The following DNAH6 variants were observed in gnomAD, a reference collection of about 807,000 sequenced individuals.
DNAH6 encodes the protein axonemal beta dynein heavy chain 6.
In DNAH6, 340 loss-of-function variants were observed where a neutral mutation model predicts 491.4. That is an observed-to-expected ratio of 0.69 (90% CI 0.63 to 0.76). The LOEUF is 0.76. Among genes scored for constraint, DNAH6 ranks in the 30% least tolerant of loss-of-function variants. The pLI, the probability that DNAH6 is intolerant of heterozygous loss-of-function variation, is 0.00. For synonymous variants in DNAH6, 1,603 were observed against 1,686.1 expected, an observed-to-expected ratio of 0.95 and a Z score of 1.21; for missense variants, 4,443 against 4,972.2, an observed-to-expected ratio of 0.89 and a Z score of 3.20.
chr2:84,571,629 ACCAT>A (rs1681882251), intron 11 of DNAH6, among the ~76,000 whole-genome samples: 1 of 152,070 alleles, frequency 6.6e-6, no homozygotes, highest in African/African-American at 2.4e-5. Flanking sequence ...ATTAAAGAAA[ACCAT>A]CCAGGCGCAG....
intron 1 of DNAH6, among the ~76,000 whole-genome samples, chr2:84,517,568 T>TG: frequency 6.6e-6 from 1 of 152,320 alleles, no homozygotes; most frequent in South Asian, 2.1e-4. Context: ...GCCAAGAACT[T>TG]GCAAGAAATG....
chr2:84,547,713 G>A, intron 7 of DNAH6, 101 bp downstream of exon 7: 4 of 1,221,344 alleles, frequency 3.3e-6, no homozygotes, highest in Non-Finnish European at 4.5e-6. Flanking sequence ...ATGATTCTAT[G>A]TTTGAATTGT....
chr2:84,758,940 G>C (rs981152948), intron 63 of DNAH6, among the ~76,000 whole-genome samples: 1 of 152,074 alleles, frequency 6.6e-6, no homozygotes, highest in Non-Finnish European at 1.5e-5. Flanking sequence ...GTCCTAGCCA[G>C]AGCAATCAAG....
At chr2:84,704,807 C>G (rs1696274374) in intron 51 of DNAH6, among the ~76,000 whole-genome samples, 1 of 152,178 alleles carries the variant, frequency 6.6e-6, no homozygotes, top group Non-Finnish European at 1.5e-5. Context: ...TTCAAACTTT[C>G]TTTAGTGATA....
chr2:84,686,434 C>A (rs1573483116), intron 43 of DNAH6, 50 bp from the exon 44 acceptor site: 2 of 1,036,594 alleles, frequency 1.9e-6, no homozygotes, highest in South Asian at 1.5e-5. Context: ...CTAAAATATT[C>A]CATTCAAGAT....
chr2:84,779,588 A>G (rs1029936951), intron 64 of DNAH6, among the ~76,000 whole-genome samples: 1 of 152,082 alleles, frequency 6.6e-6, no homozygotes, highest in African/African-American at 2.4e-5. Flanking sequence ...TTTTTATCCA[A>G]CTTGCTACTC....
At chr2:84,576,311 G>C (rs1355404939) in intron 12 of DNAH6, among the ~76,000 whole-genome samples, 1 of 152,010 alleles carries the variant, frequency 6.6e-6, no homozygotes, top group East Asian at 1.9e-4. Context: ...CCACACATGG[G>C]TTAAAGACCT....
chr2:84,799,381 T>A (rs1174284361), intron 70 of DNAH6, among the ~76,000 whole-genome samples: 1 of 152,210 alleles, frequency 6.6e-6, no homozygotes, highest in Non-Finnish European at 1.5e-5. Flanking sequence ...GGCTCAGTGA[T>A]CTGGACAAAA....
chr2:84,536,480 T>TA (rs769609022), intron 4 of DNAH6, among the ~76,000 whole-genome samples: 1 of 152,062 alleles, frequency 6.6e-6, no homozygotes, highest in Non-Finnish European at 1.5e-5. Context: ...TAAAGAAAGA[T>TA]TATTAAGTCA....
At chr2:84,617,382 A>G (rs1686961424) in intron 23 of DNAH6, among the ~76,000 whole-genome samples, 1 of 152,054 alleles carries the variant, frequency 6.6e-6, no homozygotes. Flanking sequence ...AGTTATTTTT[A>G]AATGCACAAT....
chr2:84,816,166 C>T (rs1185512437), intron 76 of DNAH6, 83 bp downstream of exon 76: 1 of 1,115,384 alleles, frequency 9.0e-7, no homozygotes, highest in Non-Finnish European at 1.3e-6. Flanking sequence ...GTGATTGGCT[C>T]AAGATCTCCC....
chr2:84,653,750 G>C lies in DNAH6; in HGVS notation c.5510G>C (p.Ser1837Thr). The C allele has an allele frequency of 6.4e-7, 1 of 1,551,364 alleles. No individual in the cohort carries two copies. Among genetic ancestry groups the C allele is most frequent in the Non-Finnish European group, 8.7e-7 (1 of 1,146,672 alleles). The change falls in exon 34 of 77, where the codon AGT (serine) becomes ACT (threonine). Residue 1837 changes from serine (S) to threonine (T), a missense_variant. Ser to Thr is a moderately conservative substitution (Grantham distance 58). Coordinates refer to ENST00000389394, the MANE Select transcript of DNAH6 (RefSeq NM_001370.2). ...TCAGAAGACCATAAATGGATCATCA[G>C]TGATGGGCCAGTAGATGCTCTTTGG... ...DTSEDHKWII[S>T]DGPVDALWIE...
At chr2:84,583,088 A>C (rs1683195946) in intron 14 of DNAH6, among the ~76,000 whole-genome samples, 1 of 152,198 alleles carries the variant, frequency 6.6e-6, no homozygotes, top group Non-Finnish European at 1.5e-5. Context: ...CTTGCCAGAA[A>C]ATTAGGAAAG....
chr2:84,640,472 G>T lies in DNAH6; in HGVS notation c.4864G>T (p.Ala1622Ser), dbSNP rs1227361244. Residue 1622 changes from alanine (A) to serine (S), a missense_variant, in exon 32 of 77, where the codon GCA becomes TCA. Coordinates refer to ENST00000389394, the MANE Select transcript of DNAH6 (RefSeq NM_001370.2). ...SEGFESSKILARKMTQMYKLC... is the reference protein window; with the variant it reads ...SEGFESSKILSRKMTQMYKLC... Reference sequence around the variant, plus strand: ...AGGATTTGAATCCAGTAAAATATTAGCAAGAAAAATGACTCAGATGTATAA... The same window carrying T: ...AGGATTTGAATCCAGTAAAATATTATCAAGAAAAATGACTCAGATGTATAA... 6.5e-7 allele frequency: 1 copy of T among 1,542,758 alleles called. No homozygotes were observed. The highest frequency in any genetic ancestry group is 2.0e-5 in the Admixed American group (1 of 50,934).
chr2:84,746,173 A>G (rs1672962004), intron 63 of DNAH6, among the ~76,000 whole-genome samples: 1 of 152,218 alleles, frequency 6.6e-6, no homozygotes, highest in East Asian at 1.9e-4. Context: ...AGGAAACTGT[A>G]GAGAGATATA....
chr2:84,634,710 C>T, intron 30 of DNAH6, 69 bp downstream of exon 30: 1 of 1,401,372 alleles, frequency 7.1e-7, no homozygotes, highest in East Asian at 2.8e-5. Flanking sequence ...CAGAATGTTA[C>T]ATTTTAGGAA....
intron 74 of DNAH6, 47 bp from the exon 75 acceptor site, chr2:84,813,924 A>G: frequency 6.5e-7 from 1 of 1,542,158 alleles, no homozygotes; most frequent in Non-Finnish European, 8.8e-7. Flanking sequence ...GTGCCTGGGG[A>G]GTAGCAGTGT....
Position 84,624,535 on chromosome 2 carries a change from G to T in DNAH6, c.4268G>T (p.Cys1423Phe). The part of the protein sequence containing the change: ...RYYWDIDLDN[C>F]VARMALSQYT... The stretch of plus-strand genomic sequence containing the variant: ...TACTGGGATATAGACCTGGATAATT[G>T]TGTGGCTAGAATGGCGCTCTCTCAG... Residue 1423 changes from cysteine (C) to phenylalanine (F), a missense_variant, in exon 28 of 77, where the codon TGT (cysteine) becomes TTT (phenylalanine). This residue lies in a region of DNAH6 where 2,977 missense variants were observed against 3,296.6 expected (regional missense o/e 0.90). Coordinates refer to ENST00000389394, the MANE Select transcript of DNAH6 (RefSeq NM_001370.2). The T allele has an allele frequency of 6.4e-7, 1 of 1,551,858 alleles. No individual in the cohort carries two copies. The highest frequency in any genetic ancestry group is 8.7e-7 in the Non-Finnish European group (1 of 1,146,992).
chr2:84,651,922 A>G (rs978974558), intron 33 of DNAH6, among the ~76,000 whole-genome samples: 6 of 149,520 alleles, frequency 4.0e-5, no homozygotes, highest in Non-Finnish European at 8.9e-5. Context: ...TATCTTGAGC[A>G]TCTTTTTCAT....
Sources: allele counts gnomAD v4.1 joint callset (sites outside exome capture counted in the v4.1 genomes callset), GRCh38; gene constraint gnomAD v4.1.1; regional missense constraint gnomAD v4.1.1; transcripts MANE v1.5; gene names NCBI Gene and HGNC (gene_info 2026-07-23, HGNC 2026-07-21).